The following NOX3 variants were observed in gnomAD, a reference collection of about 807,000 sequenced individuals.
NOX3 encodes NADPH oxidase 3, also known as NADPH oxidase catalytic subunit-like 3.
NOX3 carries 74 observed loss-of-function variants against 76.7 expected under a neutral mutation model. The observed-to-expected ratio is 0.96, with a 90% confidence interval of 0.80 to 1.17. The LOEUF is 1.17. Among genes scored for constraint, NOX3 ranks in the 50% most tolerant of loss-of-function variants. The pLI is 0.00. For missense variants in NOX3, 695 were observed against 703.3 expected, an observed-to-expected ratio of 0.99 and a Z score of 0.13; for synonymous variants, 263 against 261.1, an observed-to-expected ratio of 1.01 and a Z score of -0.07.
intron 6 of NOX3, among the ~76,000 whole-genome samples, chr6:155,439,444 A>C (rs998917835): frequency 6.6e-6 from 1 of 152,124 alleles, no homozygotes; most frequent in Admixed American, 6.5e-5. Context: ...TAGAGGTCAA[A>C]TGGGGAAACT....
chr6:155,428,827 C>G lies in NOX3; in HGVS notation c.1112G>C (p.Gly371Ala), dbSNP rs924913824. The change falls in exon 9 of 14, where the codon GGA (glycine) becomes GCA (alanine). Residue 371 changes from glycine to alanine, a missense_variant. Gly to Ala is a moderately conservative substitution (Grantham distance 60). Transcript: ENST00000159060. Reference protein sequence around the residue: ...AALLEAFGAEGQALQEPWSLP... With the variant: ...AALLEAFGAEAQALQEPWSLP... Reference sequence around the variant, plus strand: ...GCTCCAGGGCTCCTGGAGGGCCTGTCCCTCTGCCCCAAAGGCCTCCAGTAG... The same window carrying G: ...GCTCCAGGGCTCCTGGAGGGCCTGTGCCTCTGCCCCAAAGGCCTCCAGTAG... 1.3e-6 allele frequency: 2 copies of G among 1,555,468 alleles called. No individual in the cohort carries two copies. The highest frequency in any genetic ancestry group is 8.7e-7 in the Non-Finnish European group (1 of 1,145,962).
chr6:155,401,147 C>T (rs1331033198), intron 12 of NOX3, among the ~76,000 whole-genome samples: 1 of 152,074 alleles, frequency 6.6e-6, no homozygotes, highest in African/African-American at 2.4e-5. Context: ...AGAAATTTTG[C>T]AGTATAATGA....
chr6:155,407,285 T>G, intron 11 of NOX3, 31 bp from the exon 12 acceptor site: 2 of 1,574,466 alleles, frequency 1.3e-6, no homozygotes, highest in Middle Eastern at 1.7e-4. Flanking sequence ...TAGATGACAT[T>G]TAGAAAAAAA....
chr6:155,395,971 A>T (rs1429812230), intron 13 of NOX3, among the ~76,000 whole-genome samples: 1 of 152,184 alleles, frequency 6.6e-6, no homozygotes, highest in Non-Finnish European at 1.5e-5. Context: ...AGAAAAGAAA[A>T]CATAAAATTT....
rs759058166 is a variant in NOX3, at chr6:155,455,836, T to G, written c.-36A>C. 6.2e-7 allele frequency: 1 copy of G among 1,601,732 alleles called. No homozygotes were observed. The highest frequency in any genetic ancestry group is 2.2e-5 in the East Asian group (1 of 44,792). ...GCTCTTCGGCTGTCAGGAAATTTCT[T>G]CTCCCTCACCTGTGTCTGGATGTTG... On this transcript the variant is annotated 5_prime_UTR_variant, in exon 1 of 14. Transcript: ENST00000159060.
At chr6:155,433,135 C>T (rs888175949) in intron 7 of NOX3, among the ~76,000 whole-genome samples, 1 of 152,098 alleles carries the variant, frequency 6.6e-6, no homozygotes, top group Admixed American at 6.6e-5. Context: ...ATATTTTCCA[C>T]GTTGATAAAA....
intron 4 of NOX3, among the ~76,000 whole-genome samples, chr6:155,450,875 G>A (rs746751201): frequency 1.3e-5 from 2 of 152,114 alleles, no homozygotes; most frequent in South Asian, 2.1e-4. Flanking sequence ...CAGGCTAAGG[G>A]CTTTGGATTT....
At chr6:155,427,551 C>T (rs1427170627) in intron 9 of NOX3, among the ~76,000 whole-genome samples, 1 of 152,206 alleles carries the variant, frequency 6.6e-6, no homozygotes, top group Non-Finnish European at 1.5e-5. Flanking sequence ...CAATGTCCTG[C>T]CCTCAGGAAC....
At chr6:155,451,280 G>A (rs1777136670) in intron 4 of NOX3, among the ~76,000 whole-genome samples, 1 of 151,692 alleles carries the variant, frequency 6.6e-6, no homozygotes, top group Non-Finnish European at 1.5e-5. Context: ...CGCCCGGCCT[G>A]TATTAGTATT....
chr6:155,454,958 G>A, intron 2 of NOX3, 37 bp from the exon 3 acceptor site: 1 of 1,581,510 alleles, frequency 6.3e-7, no homozygotes, highest in Non-Finnish European at 8.7e-7. Flanking sequence ...GAGATTCAGG[G>A]AAAACAAGGA....
Position 155,416,693 on chromosome 6 carries a change from T to A in NOX3, c.1309-5333A>T, listed in dbSNP as rs527518161. ...TGATCTCTTTTGGGCCTCCGTTTGG[T>A]CTAATTACAGTTAATAATCCTTGTT... On this transcript the variant is annotated intron_variant, in intron 10 of 13. Coordinates refer to ENST00000159060, the MANE Select transcript of NOX3 (RefSeq NM_015718.3). Among the ~76,000 whole-genome samples the A allele has an allele frequency of 8.0e-4, 122 of 151,876 alleles. 1 individual carries two copies. The South Asian group carries it at 0.011, about 13-fold the overall frequency.
intron 6 of NOX3, 118 bp from the exon 7 acceptor site, chr6:155,436,665 G>T (rs1776908735): frequency 2.0e-6 from 2 of 1,021,782 alleles, no homozygotes; most frequent in Non-Finnish European, 2.8e-6. Flanking sequence ...ATCACTTCCA[G>T]TTCTTGAAAC....
chr6:155,419,141 A>G (rs902960869), intron 10 of NOX3, among the ~76,000 whole-genome samples: 82 of 151,660 alleles, frequency 5.4e-4, no homozygotes, highest in African/African-American at 1.8e-3. Flanking sequence ...TCTCAAAAGC[A>G]TGTAGGTAGC....
At chr6:155,435,174 G>T (rs1776885067) in intron 7 of NOX3, among the ~76,000 whole-genome samples, 1 of 152,188 alleles carries the variant, frequency 6.6e-6, no homozygotes, top group Non-Finnish European at 1.5e-5. Context: ...CAAGGAAGTG[G>T]AGCAGGGGAG....
Position 155,411,290 on chromosome 6 carries a change from T to C in NOX3, c.1379A>G (p.Glu460Gly). ...TTTCCCCTGCTCACTCATCCGTGTT[T>C]CCAGGGAGAGTAAGAGATCAGCAAA... ...EWFADLLLSL[E>G]TRMSEQGKTH... The change falls in exon 11 of 14, where the codon GAA (glutamate) becomes GGA (glycine). Residue 460 changes from glutamate (E) to glycine (G), a missense_variant. Transcript: ENST00000159060. The C allele has an allele frequency of 3.7e-6, 6 of 1,613,964 alleles. No individual in the cohort carries two copies. Among genetic ancestry groups the C allele is most frequent in the African/African-American group, 1.3e-5 (1 of 75,030 alleles).
intron 7 of NOX3, 36 bp downstream of exon 7, chr6:155,436,382 A>G (rs1452533792): frequency 6.2e-7 from 1 of 1,612,380 alleles, no homozygotes. Flanking sequence ...AACTGTGGTG[A>G]CATTTATTTT....
At chr6:155,414,341 C>G (rs1036727945) in intron 10 of NOX3, among the ~76,000 whole-genome samples, 1 of 152,140 alleles carries the variant, frequency 6.6e-6, no homozygotes, top group African/African-American at 2.4e-5. Context: ...CCAAGTATCC[C>G]AAACAATAGG....
chr6:155,422,864 C>G lies in NOX3; in HGVS notation c.1146-8G>C. On this transcript the variant is annotated splice_region_variant and splice_polypyrimidine_tract_variant and intron_variant, in intron 9 of 13. Transcript: ENST00000159060. ...GGCCCGTCCACTGCCAGCCTGGAATCATAGAGGAATGCAGCCTATTTGACC... is the reference window on the plus strand; with the variant it reads ...GGCCCGTCCACTGCCAGCCTGGAATGATAGAGGAATGCAGCCTATTTGACC... 1 of 1,613,950 alleles carries G rather than the reference C, an allele frequency of 6.2e-7. No homozygotes were observed. The highest frequency in any genetic ancestry group is 8.5e-7 in the Non-Finnish European group (1 of 1,179,850).
intron 13 of NOX3, among the ~76,000 whole-genome samples, chr6:155,395,882 G>A (rs1422325373): frequency 6.6e-6 from 1 of 151,918 alleles, no homozygotes; most frequent in African/African-American, 2.4e-5. Flanking sequence ...AAATGTGGTA[G>A]AATAACAAGC....
Sources: gnomAD v4.1 joint callset for allele counts (sites outside exome capture counted in the v4.1 genomes callset) on GRCh38, gnomAD v4.1.1 for gene constraint, MANE v1.5 for transcripts, NCBI Gene and HGNC (gene_info 2026-07-23, HGNC 2026-07-21) for gene names.